The following MACF1 variants were observed in gnomAD, a reference collection of about 807,000 sequenced individuals.
The protein encoded by MACF1 is microtubule actin crosslinking factor 1.
In MACF1, 193 loss-of-function variants were observed where a neutral mutation model predicts 854.8. That is an observed-to-expected ratio of 0.23 (90% CI 0.20 to 0.25). The LOEUF is 0.25. MACF1 is among the 10% of genes least tolerant of loss of function. The pLI, the probability that MACF1 is intolerant of heterozygous loss-of-function variation, is 1.00. For synonymous variants in MACF1, 3,185 were observed against 3,226.7 expected (o/e 0.99, Z 0.44); for missense variants, 7,722 against 8,929.1 (o/e 0.86, Z 5.45).
intron 2 of MACF1, among the ~76,000 whole-genome samples, chr1:39,123,705 A>G (rs1272796722): frequency 5.8e-5 from 8 of 137,318 alleles, no homozygotes; most frequent in Admixed American, 5.7e-4. Flanking sequence ...ATGCCCGGCT[A>G]ATTCTTGTTT....
chr1:39,331,120 T>C, intron 36 of MACF1, 83 bp from the exon 37 acceptor site: 2 of 1,442,504 alleles, frequency 1.4e-6, no homozygotes, highest in Non-Finnish European at 1.8e-6. Context: ...CTCCTTTCAA[T>C]AGTTGTGCTT....
chr1:39,112,976 C>T (rs1284958391), intron 2 of MACF1, among the ~76,000 whole-genome samples: 1 of 151,858 alleles, frequency 6.6e-6, no homozygotes, highest in African/African-American at 2.4e-5. Context: ...GAGCAAGACC[C>T]CATCTCAAAA....
chr1:39,375,522 C>T (rs1445870499), intron 52 of MACF1, among the ~76,000 whole-genome samples: 1 of 152,164 alleles, frequency 6.6e-6, no homozygotes, highest in Admixed American at 6.5e-5. Flanking sequence ...AGGATGGTCT[C>T]AATCTCCTGA....
chr1:39,459,710 C>CT lies in MACF1; in HGVS notation c.21360+462dup, dbSNP rs1644513903. 4 of 583,226 alleles carry CT rather than the reference C, an allele frequency of 6.9e-6. No homozygotes were observed. In the Admixed American group the frequency reaches 1.1e-4, roughly 16 times the overall value. 36.1% of individuals were successfully genotyped at this position (583,226 alleles called of 1,614,324 possible). A position where few individuals can be genotyped will look rare whatever the true frequency, so the allele number is the denominator to read the frequency against. ...CTTCACTTGATCATGAGAAGCAACTCTATTTTGAAGTGTCATTACCCAGTA... is the reference window on the plus strand; with the variant it reads ...CTTCACTTGATCATGAGAAGCAACTCTTATTTTGAAGTGTCATTACCCAGTA... On this transcript the variant is annotated intron_variant, in intron 91 of 100. Coordinates refer to ENST00000564288, the MANE Select transcript of MACF1 (RefSeq NM_001394062.1).
Position 39,409,061 on chromosome 1 carries a change from C to T in MACF1, c.15817-13313C>T, listed in dbSNP as rs888611539. Reference sequence around the variant, plus strand: ...CGGCGCGGGGAAGGGGGAGGAGAGCCGCCCGCCAGCCGAGCACTTCCAGCG... The same window carrying T: ...CGGCGCGGGGAAGGGGGAGGAGAGCTGCCCGCCAGCCGAGCACTTCCAGCG... On this transcript the variant is annotated intron_variant, in intron 58 of 100. Transcript: ENST00000564288. The surrounding 1 kb of genome is among the most constrained non-coding windows in gnomAD (Gnocchi z 4.2). Among the ~76,000 whole-genome samples, 78 of 151,680 alleles carry T rather than the reference C, an allele frequency of 5.1e-4. No individual in the cohort carries two copies. Among genetic ancestry groups the T allele is most frequent in the Admixed American group, 1.3e-3 (20 of 15,260 alleles).
chr1:39,292,902 C>G (rs1645824135), intron 17 of MACF1, 59 bp downstream of exon 17: 1 of 1,382,318 alleles, frequency 7.2e-7, no homozygotes, highest in Non-Finnish European at 1.0e-6. Flanking sequence ...CCCCAATCAA[C>G]TCTCTTCCGT....
chr1:39,443,343 GA>G, intron 78 of MACF1, 102 bp from the exon 79 acceptor site: 1 of 1,312,222 alleles, frequency 7.6e-7, no homozygotes, highest in Non-Finnish European at 1.0e-6. Flanking sequence ...GAGAGCAGCC[GA>G]AAATTCCTTC....
At chr1:39,233,051 TGAGATG>T (rs1644803765) in intron 2 of MACF1, among the ~76,000 whole-genome samples, 2 of 135,418 alleles carry the variant, frequency 1.5e-5, no homozygotes, top group African/African-American at 5.3e-5. Flanking sequence ...TTTTGTTTTT[TGAGATG>T]GAGTTTCACT....
At chr1:39,366,542 T>G (rs922355795) in intron 49 of MACF1, among the ~76,000 whole-genome samples, 4 of 152,148 alleles carry the variant, frequency 2.6e-5, no homozygotes, top group Non-Finnish European at 5.9e-5. Flanking sequence ...TTCTTGTTAG[T>G]TGATTACTAA....
intron 2 of MACF1, among the ~76,000 whole-genome samples, chr1:39,089,435 T>C (rs1169029601): frequency 6.6e-6 from 1 of 152,214 alleles, no homozygotes; most frequent in Non-Finnish European, 1.5e-5. Context: ...TCTGCTCCAT[T>C]GTGGCCTTCT....
In MACF1 at chr1:39,455,067, C is replaced by T; in HGVS notation, c.21045C>T (p.Asp7015=). 6.2e-7 allele frequency: 1 copy of T among 1,614,130 alleles called. No homozygotes were observed. Among genetic ancestry groups the T allele is most frequent in the South Asian group, 1.1e-5 (1 of 91,078 alleles). ...RDQEPIPQNI[D]RVKALIAEHQ... ...AGGAGCCAATCCCGCAGAACATTGACCGAGTTAAAGCCCTTATCGCTGAGC... is the reference window on the plus strand; with the variant it reads ...AGGAGCCAATCCCGCAGAACATTGATCGAGTTAAAGCCCTTATCGCTGAGC... The change falls in exon 89 of 101, where the codon GAC becomes GAT. Residue 7015 remains aspartate (D), a synonymous_variant. Transcript: ENST00000564288.
Position 39,286,259 on chromosome 1 carries a change from C to T in MACF1, c.1508+501C>T, listed in dbSNP as rs536249464. 3.9e-5 allele frequency among the ~76,000 whole-genome samples: 6 copies of T among 152,122 alleles called. No homozygotes were observed. The East Asian group carries it at 1.2e-3, about 30-fold the overall frequency. On this transcript the variant is annotated intron_variant, in intron 14 of 100. Transcript: ENST00000564288. ...AATCTCCTGGGTTCAAGCGATCCTC[C>T]TGCCTCAGCCTCCCAAAGTGCTGGG...
intron 6 of MACF1, among the ~76,000 whole-genome samples, chr1:39,281,188 A>G (rs1362126485): frequency 2.0e-5 from 3 of 152,152 alleles, no homozygotes; most frequent in African/African-American, 7.2e-5. Context: ...CTTTTTTCTT[A>G]TTATAAAAAT....
chr1:39,269,193 T>G, intron 6 of MACF1: 1 of 1,289,964 alleles, frequency 7.8e-7, no homozygotes, highest in Non-Finnish European at 1.0e-6. Context: ...ACTGGTGGAA[T>G]TTCCTAGGAC....
At chr1:39,314,144 C>T (rs1646358252) in intron 26 of MACF1, among the ~76,000 whole-genome samples, 1 of 152,166 alleles carries the variant, frequency 6.6e-6, no homozygotes, top group African/African-American at 2.4e-5. Context: ...TGTGGTGGCT[C>T]ACGCCTATAA....
intron 2 of MACF1, among the ~76,000 whole-genome samples, chr1:39,163,085 G>T (rs551378664): frequency 6.6e-6 from 1 of 152,166 alleles, no homozygotes; most frequent in African/African-American, 2.4e-5. Flanking sequence ...GGGCATGGTG[G>T]CTCACGCCTG....
intron 2 of MACF1, among the ~76,000 whole-genome samples, chr1:39,240,679 G>C (rs995292858): frequency 3.2e-4 from 48 of 152,120 alleles, no homozygotes; most frequent in Admixed American, 3.0e-3. Flanking sequence ...TGTATTTTTA[G>C]TAGAGAACAG....
Position 39,447,793 on chromosome 1 carries a change from G to A in MACF1, c.19863G>A (p.Leu6621=), listed in dbSNP as rs1336792385. 1 of 1,613,970 alleles carries A rather than the reference G, an allele frequency of 6.2e-7. No individual in the cohort carries two copies. Among genetic ancestry groups the A allele is most frequent in the Admixed American group, 1.7e-5 (1 of 59,994 alleles). ...TTAGCCAAAAGCAGGATGTTGTTCT[G>A]ATCAAGAATTTGTTGGTGAGCGTGC... ...KFLSQKQDVV[L]IKNLLVSVQS... is the part of the protein sequence containing the mutation. Residue 6621 remains leucine, a synonymous_variant, in exon 82 of 101, where the codon CTG becomes CTA. Transcript: ENST00000564288.
At position 39,204,779 on chromosome 1, in the gene MACF1, C is replaced by T. The variant is rs1426340347; in HGVS notation, c.-244C>T. 1 of 436,728 alleles carries T rather than the reference C, an allele frequency of 2.3e-6. No individual in the cohort carries two copies. The highest frequency in any genetic ancestry group is 3.9e-5 in the East Asian group (1 of 25,694). The allele number at this position is 436,728 out of a possible 1,614,324, so 27.1% of individuals were successfully genotyped here. On this transcript the variant is annotated 5_prime_UTR_variant, in exon 1 of 101. Transcript: ENST00000564288. ...CTTCCCTTTCCCCTCCCCCGCTGGC[C>T]AGTTGTTTCCTGGGCTTTGTCTGAG...
Sources: gnomAD v4.1 joint callset for allele counts (sites outside exome capture counted in the v4.1 genomes callset) on GRCh38, gnomAD v4.1.1 for gene constraint, Gnocchi (gnomAD v3.1) non-coding constraint, MANE v1.5 for transcripts, NCBI Gene and HGNC (gene_info 2026-07-23, HGNC 2026-07-21) for gene names.